TMEM132D: variants seen among roughly 807,000 people sequenced by gnomAD.
The protein encoded by TMEM132D is transmembrane protein 132D.
TMEM132D carries 21 observed loss-of-function variants against 62.3 expected under a neutral mutation model. That is an observed-to-expected ratio of 0.34 (90% CI 0.24 to 0.49). The LOEUF is 0.49. Ranked by LOEUF, TMEM132D falls within the 20% of genes least tolerant of loss-of-function variation. The probability of loss-of-function intolerance (pLI) is 0.99; values close to 1 mark genes in which losing one functional copy is unlikely to be tolerated. For missense variants in TMEM132D, 1,346 were observed against 1,402.8 expected (o/e 0.96, Z 0.65); for synonymous variants, 621 against 575.6 (o/e 1.08, Z -1.13).
At chr12:129,216,463 T>C (rs1384849341) in intron 4 of TMEM132D, among the ~76,000 whole-genome samples, 1 of 152,118 alleles carries the variant, frequency 6.6e-6, no homozygotes, top group African/African-American at 2.4e-5. Flanking sequence ...ACAGGGAGGA[T>C]GGCACAGGAA....
chr12:129,114,497 TA>T (rs573630618), intron 5 of TMEM132D, among the ~76,000 whole-genome samples: 9 of 151,914 alleles, frequency 5.9e-5, no homozygotes, highest in African/African-American at 2.2e-4. Flanking sequence ...TTTATTACTG[TA>T]AAAAAACTTT....
chr12:129,206,363 A>G (rs1273398978), intron 5 of TMEM132D, among the ~76,000 whole-genome samples: 3 of 152,202 alleles, frequency 2.0e-5, no homozygotes, highest in African/African-American at 7.2e-5. Flanking sequence ...GCTTAACATC[A>G]CTAATCATTT....
intron 1 of TMEM132D, among the ~76,000 whole-genome samples, chr12:129,833,712 A>G (rs1011318023): frequency 7.2e-5 from 11 of 152,184 alleles, no homozygotes; most frequent in Non-Finnish European, 4.4e-5. Flanking sequence ...AGCTGTACCC[A>G]TGTGAAATTC....
At chr12:129,458,936 A>G (rs1362082986) in intron 3 of TMEM132D, among the ~76,000 whole-genome samples, 1 of 152,200 alleles carries the variant, frequency 6.6e-6, no homozygotes, top group Admixed American at 6.5e-5. Flanking sequence ...CACTCTCTCC[A>G]TTATACAGAA....
At chr12:129,141,199 G>A in intron 5 of TMEM132D, among the ~76,000 whole-genome samples, 1 of 152,180 alleles carries the variant, frequency 6.6e-6, no homozygotes, top group Middle Eastern at 3.2e-3. Context: ...CAGCTTGTGT[G>A]ATCCTTCTCA....
chr12:129,447,179 T>C (rs1394833691), intron 3 of TMEM132D, among the ~76,000 whole-genome samples: 1 of 152,190 alleles, frequency 6.6e-6, no homozygotes, highest in Non-Finnish European at 1.5e-5. Context: ...CTCAATTTGC[T>C]TTTCCAACCA....
intron 2 of TMEM132D, among the ~76,000 whole-genome samples, chr12:129,573,976 A>G (rs1877588974): frequency 1.3e-5 from 2 of 150,680 alleles, no homozygotes; most frequent in Admixed American, 6.6e-5. Flanking sequence ...GCATAGAGGA[A>G]CTCTATGGGG....
At chr12:129,341,644 G>T (rs1023334684) in intron 3 of TMEM132D, among the ~76,000 whole-genome samples, 1 of 152,230 alleles carries the variant, frequency 6.6e-6, no homozygotes, top group Admixed American at 6.5e-5. Context: ...AGACTTGGGA[G>T]TGTCCAGATA....
At chr12:129,610,231 T>C (rs1414256111) in intron 2 of TMEM132D, among the ~76,000 whole-genome samples, 2 of 149,802 alleles carry the variant, frequency 1.3e-5, no homozygotes, top group Non-Finnish European at 3.0e-5. Context: ...GAGCTGAGAT[T>C]GCACCATTGC....
intron 2 of TMEM132D, among the ~76,000 whole-genome samples, chr12:129,643,203 G>A (rs1042237754): frequency 5.9e-5 from 9 of 152,024 alleles, no homozygotes; most frequent in African/African-American, 1.9e-4. Context: ...GATTACAGGC[G>A]TGAGCCACCA....
chr12:129,502,732 G>T (rs1033599313), intron 3 of TMEM132D, among the ~76,000 whole-genome samples: 2 of 152,190 alleles, frequency 1.3e-5, no homozygotes, highest in African/African-American at 4.8e-5. Context: ...CCCTGCAAAA[G>T]TTCTGGCATT....
intron 1 of TMEM132D, among the ~76,000 whole-genome samples, chr12:129,808,817 C>CTTT (rs11404670): frequency 0.013 from 1,909 of 148,346 alleles, 40 homozygotes; most frequent in African/African-American, 0.043. Context: ...TGAGTGAATA[C>CTTT]TTTTTTTTTT....
chr12:129,681,731 A>G (rs1308292933), intron 2 of TMEM132D: 1 of 152,264 alleles, frequency 6.6e-6, no homozygotes, highest in Non-Finnish European at 1.5e-5. Flanking sequence ...CCCACATCTC[A>G]ACAGTTAGAG....
chr12:129,194,417 T>A (rs147170301), intron 5 of TMEM132D, among the ~76,000 whole-genome samples: 424 of 152,264 alleles, frequency 2.8e-3, no homozygotes, highest in Non-Finnish European at 4.8e-3. Flanking sequence ...TAAGAACTTA[T>A]GAACACAAAG....
At chr12:129,355,033 TG>T (rs979520494) in intron 3 of TMEM132D, among the ~76,000 whole-genome samples, 1 of 152,222 alleles carries the variant, frequency 6.6e-6, no homozygotes, top group Non-Finnish European at 1.5e-5. Flanking sequence ...GGTACATTTT[TG>T]TCACAAGAGA....
At chr12:129,615,337 G>T (rs758944777) in intron 2 of TMEM132D, among the ~76,000 whole-genome samples, 4 of 152,040 alleles carry the variant, frequency 2.6e-5, no homozygotes, top group African/African-American at 7.2e-5. Context: ...CCAATATCTG[G>T]CCGTTTGTTT....
At chr12:129,308,304 T>C (rs1159260182) in intron 4 of TMEM132D, among the ~76,000 whole-genome samples, 1 of 152,234 alleles carries the variant, frequency 6.6e-6, no homozygotes, top group Non-Finnish European at 1.5e-5. Flanking sequence ...GTGGGAACCA[T>C]GTTTTCTTTA....
At chr12:129,630,424 TG>T (rs1482071078) in intron 2 of TMEM132D, among the ~76,000 whole-genome samples, 2 of 138,930 alleles carry the variant, frequency 1.4e-5, no homozygotes. Context: ...TTCACATTCT[TG>T]ATATGGGGGT....
intron 7 of TMEM132D, among the ~76,000 whole-genome samples, 182 bp downstream of exon 7, chr12:129,081,577 C>T (rs545716033): frequency 2.6e-5 from 4 of 152,086 alleles, no homozygotes; most frequent in Admixed American, 6.6e-5. Flanking sequence ...GGATTATAAG[C>T]GTGAACCACC....
Sources: allele counts gnomAD v4.1 joint callset (sites outside exome capture counted in the v4.1 genomes callset), GRCh38; gene constraint gnomAD v4.1.1; transcripts MANE v1.5; gene names NCBI Gene and HGNC (gene_info 2026-07-23, HGNC 2026-07-21).